The following CTDSPL variants were observed in gnomAD, a reference collection of about 807,000 sequenced individuals.
The protein encoded by CTDSPL is CTD small phosphatase like.
Under a neutral mutation model 30.5 loss-of-function variants are expected in CTDSPL, and 8 were observed. The ratio of observed to expected loss-of-function variants is 0.26; its 90% CI spans 0.15 to 0.47. The LOEUF (loss-of-function observed/expected upper bound fraction) is 0.47, where lower values mean the gene tolerates loss of function less well. Among genes scored for constraint, CTDSPL ranks in the 20% least tolerant of loss-of-function variants. CTDSPL has a pLI of 0.99. For missense variants in CTDSPL, 248 were observed against 366.1 expected, an observed-to-expected ratio of 0.68 and a Z score of 2.63; for synonymous variants, 110 against 137.9, an observed-to-expected ratio of 0.80 and a Z score of 1.42.
rs1553686492 is a variant in CTDSPL, at chr3:37,957,112, G to T, written c.236G>T (p.Gly79Val). The T allele has an allele frequency of 6.3e-6, 10 of 1,599,008 alleles. No homozygotes were observed. In the Middle Eastern group the frequency reaches 9.9e-4, roughly 159 times the overall value. Reference sequence around the variant, plus strand: ...GATTTTTTTTTTCTTTTTCCTCAGGGTGACCAGAGGCAGGTCATTCCCATA... The same window carrying T: ...GATTTTTTTTTTCTTTTTCCTCAGGTTGACCAGAGGCAGGTCATTCCCATA... ...LVEENGGLQKGDQRQVIPIPS... is the reference protein window; with the variant it reads ...LVEENGGLQKVDQRQVIPIPS... Residue 79 changes from glycine to valine, a missense_variant and splice_region_variant, in exon 3 of 8, where the codon GGT becomes GTT. Physicochemically the swap from Gly to Val is moderately radical, Grantham distance 109. This residue lies in a region of CTDSPL where 118 missense variants were observed against 124.7 expected (regional missense o/e 0.95). Transcript: ENST00000273179.
intron 1 of CTDSPL, among the ~76,000 whole-genome samples, chr3:37,899,736 A>G (rs770154683): frequency 6.6e-6 from 1 of 152,196 alleles, no homozygotes; most frequent in Non-Finnish European, 1.5e-5. Context: ...AGACTCTTCA[A>G]TTGCATTCAC....
intron 1 of CTDSPL, among the ~76,000 whole-genome samples, chr3:37,918,387 G>T (rs1698673941): frequency 6.6e-6 from 1 of 152,162 alleles, no homozygotes; most frequent in South Asian, 2.1e-4. Context: ...GGAAGTCTCT[G>T]TGTCTGCTCC....
chr3:37,939,445 A>C (rs1044635651), intron 1 of CTDSPL, among the ~76,000 whole-genome samples: 9 of 150,168 alleles, frequency 6.0e-5, no homozygotes, highest in African/African-American at 2.2e-4. Context: ...AAAAAATTTC[A>C]CTCTAGGCTC....
At chr3:37,905,943 A>C (rs1414013085) in intron 1 of CTDSPL, among the ~76,000 whole-genome samples, 1 of 152,200 alleles carries the variant, frequency 6.6e-6, no homozygotes, top group East Asian at 1.9e-4. Flanking sequence ...ATGGACTGGC[A>C]CCCAGGGATT....
chr3:37,910,406 G>A (rs556675966), intron 1 of CTDSPL, among the ~76,000 whole-genome samples: 2 of 152,108 alleles, frequency 1.3e-5, no homozygotes, highest in Non-Finnish European at 2.9e-5. Flanking sequence ...ACTTGAACCT[G>A]GGAGGCAGAG....
intron 1 of CTDSPL, among the ~76,000 whole-genome samples, chr3:37,878,514 T>C (rs1698164285): frequency 6.6e-6 from 1 of 152,274 alleles, no homozygotes; most frequent in African/African-American, 2.4e-5. Context: ...TATTTCTGGA[T>C]TCTAATCTCT....
At chr3:37,894,081 G>C (rs1023053243) in intron 1 of CTDSPL, among the ~76,000 whole-genome samples, 1 of 151,996 alleles carries the variant, frequency 6.6e-6, no homozygotes, top group Non-Finnish European at 1.5e-5. Context: ...CTGGGATGAA[G>C]TTCTGTTTTG....
rs1291408146 is a variant in CTDSPL at position 37,862,345 on chromosome 3, G to A, written c.79+67G>A. 4 of 1,338,746 alleles carry A rather than the reference G, an allele frequency of 3.0e-6. No homozygotes were observed. Among genetic ancestry groups the A allele is most frequent in the Admixed American group, 3.4e-5 (1 of 29,626 alleles). The allele number at this position is 1,338,746 out of a possible 1,614,324, so 82.9% of individuals were successfully genotyped here. A position where few individuals can be genotyped will look rare whatever the true frequency, so the allele number is the denominator to read the frequency against. On this transcript the variant is annotated intron_variant, in intron 1 of 7. Coordinates refer to ENST00000273179, the MANE Select transcript of CTDSPL (RefSeq NM_001008392.2). The surrounding 1 kb of genome is among the most constrained non-coding windows in gnomAD (Gnocchi z 4.3). ...ACACCCCGCGCCGCTGGAGTTCACT[G>A]CCGGGCGCCGGCATGGGCCTGGGGG...
intron 3 of CTDSPL, among the ~76,000 whole-genome samples, chr3:37,960,657 G>A (rs1243894971): frequency 6.6e-6 from 1 of 150,672 alleles, no homozygotes; most frequent in African/African-American, 2.4e-5. Flanking sequence ...GTGAACCCGG[G>A]AGGCGGAGGT....
intron 1 of CTDSPL, among the ~76,000 whole-genome samples, chr3:37,902,219 C>A (rs1348749573): frequency 6.6e-6 from 1 of 152,164 alleles, no homozygotes; most frequent in Non-Finnish European, 1.5e-5. Context: ...GAGAAGAGTG[C>A]GTGTTTGATG....
intron 1 of CTDSPL, among the ~76,000 whole-genome samples, chr3:37,928,712 ACTTTCTCC>A (rs1374366554): frequency 6.6e-6 from 1 of 152,146 alleles, no homozygotes; most frequent in East Asian, 1.9e-4. Context: ...GTTTGCATAT[ACTTTCTCC>A]CATGCTTTAG....
chr3:37,899,243 C>A (rs984397011), intron 1 of CTDSPL, among the ~76,000 whole-genome samples: 3 of 152,168 alleles, frequency 2.0e-5, no homozygotes, highest in African/African-American at 7.2e-5. Context: ...AATGGAGGAG[C>A]TCACCTAGGG....
intron 1 of CTDSPL, among the ~76,000 whole-genome samples, chr3:37,874,722 C>T (rs1394712003): frequency 6.6e-6 from 1 of 151,996 alleles, no homozygotes; most frequent in Non-Finnish European, 1.5e-5. Context: ...GAGCGAGACT[C>T]TGTCTCAAAA....
chr3:37,933,112 C>G (rs552222356), intron 1 of CTDSPL, among the ~76,000 whole-genome samples: 3 of 149,104 alleles, frequency 2.0e-5, no homozygotes, highest in Non-Finnish European at 4.4e-5. Context: ...AAGACCGCTC[C>G]ACTACACTCC....
At chr3:37,923,323 CTCT>C (rs1462763293) in intron 1 of CTDSPL, among the ~76,000 whole-genome samples, 1 of 152,138 alleles carries the variant, frequency 6.6e-6, no homozygotes, top group African/African-American at 2.4e-5. Context: ...GAGCCTTGAG[CTCT>C]TCTTTTGGGA....
intron 2 of CTDSPL, among the ~76,000 whole-genome samples, chr3:37,953,778 C>T (rs576724121): frequency 3.3e-5 from 5 of 152,004 alleles, no homozygotes; most frequent in South Asian, 2.1e-4. Flanking sequence ...AAACTATACA[C>T]GATAAAAAGC....
intron 5 of CTDSPL, chr3:37,968,181 C>T (rs966645474): frequency 2.2e-6 from 1 of 461,170 alleles, no homozygotes; most frequent in Admixed American, 2.9e-5. Flanking sequence ...GTCTAATTAA[C>T]TTCCTTGTGT....
At position 37,967,785 on chromosome 3, in the gene CTDSPL, G is replaced by C. The variant is rs185027748; in HGVS notation, c.370-41G>C. 39 of 1,429,464 alleles carry C rather than the reference G, an allele frequency of 2.7e-5. No homozygotes were observed. In the East Asian group the frequency reaches 8.4e-4, roughly 31 times the overall value. The allele number at this position is 1,429,464 out of a possible 1,614,324, so 88.5% of individuals were successfully genotyped here. ...TTGCTAAAATTTCCAGAGTTTTTTTGTTCCTTCAGACATATTAATTATAGT... is the reference window on the plus strand; with the variant it reads ...TTGCTAAAATTTCCAGAGTTTTTTTCTTCCTTCAGACATATTAATTATAGT... On this transcript the variant is annotated intron_variant, in intron 4 of 7. Coordinates refer to ENST00000273179, the MANE Select transcript of CTDSPL (RefSeq NM_001008392.2).
At position 37,964,613 on chromosome 3, in the gene CTDSPL, T is replaced by G; in HGVS notation, c.310T>G (p.Tyr104Asp). The change falls in exon 4 of 8, where the codon TAT becomes GAT. Residue 104 changes from tyrosine to aspartate, a missense_variant. Transcript: ENST00000273179. ...TCTTCCAGAGGTGACGGTGCTTGAC[T>G]ATGGAAAGAAATGTGTGGTCATTGA... is the stretch of plus-strand genomic sequence containing the variant. ...YLLPEVTVLD[Y>D]GKKCVVIDLD... is the part of the protein sequence containing the mutation. 6.2e-7 allele frequency: 1 copy of G among 1,614,060 alleles called. No individual in the cohort carries two copies. Among genetic ancestry groups the G allele is most frequent in the Non-Finnish European group, 8.5e-7 (1 of 1,179,972 alleles).
Sources: allele counts gnomAD v4.1 joint callset (sites outside exome capture counted in the v4.1 genomes callset), GRCh38; gene constraint gnomAD v4.1.1; regional missense constraint gnomAD v4.1.1; non-coding constraint Gnocchi (gnomAD v3.1); transcripts MANE v1.5; gene names NCBI Gene and HGNC (gene_info 2026-07-23, HGNC 2026-07-21).